Variants in NRG1 observed in about 807,000 individuals in gnomAD.
NRG1 encodes pro-neuregulin-1, membrane-bound isoform.
Under a neutral mutation model 63.8 loss-of-function variants are expected in NRG1, and 18 were observed. The observed-to-expected ratio is 0.28, with a 90% CI of 0.19 to 0.42. NRG1 has a LOEUF of 0.42. NRG1 is among the 10% of genes least tolerant of loss of function. NRG1 has a pLI of 1.00. For synonymous variants in NRG1, 302 were observed against 301.3 expected (o/e 1.00, Z -0.02); for missense variants, 762 against 814.7 (o/e 0.94, Z 0.79).
intron 5 of NRG1, among the ~76,000 whole-genome samples, chr8:32,623,634 C>G (rs1848703321): frequency 6.6e-6 from 1 of 152,156 alleles, no homozygotes; most frequent in Non-Finnish European, 1.5e-5. Flanking sequence ...TTTTAGGATA[C>G]TAGAGTGACT....
chr8:32,327,702 G>A (rs1802171927), intron 1 of NRG1, among the ~76,000 whole-genome samples: 1 of 152,192 alleles, frequency 6.6e-6, no homozygotes, highest in Admixed American at 6.5e-5. Context: ...AGGAAGCACA[G>A]TGGAATTTGA....
At chr8:32,772,041 GTATATATATATATATATA>G (rs1157977487), downstream of NRG1, among the ~76,000 whole-genome samples, 335 of 10,552 alleles carry the variant, frequency 0.032, 36 homozygotes, top group East Asian at 0.084. Flanking sequence ...AAAAAAATAT[GTATATATATATATATATA>G]TATATATATA....
At chr8:32,066,847 A>G (rs1824910687) in intron 1 of NRG1, among the ~76,000 whole-genome samples, 1 of 151,808 alleles carries the variant, frequency 6.6e-6, no homozygotes, top group Non-Finnish European at 1.5e-5. Flanking sequence ...ATTTGTTTGT[A>G]TCCTCTTTTA....
intron 1 of NRG1, among the ~76,000 whole-genome samples, chr8:31,646,792 A>T (rs1435558063): frequency 6.6e-6 from 1 of 152,236 alleles, no homozygotes; most frequent in Non-Finnish European, 1.5e-5. Flanking sequence ...AGATAAAAAC[A>T]TACTTTTGAT....
intron 1 of NRG1, among the ~76,000 whole-genome samples, chr8:32,288,610 T>C (rs575229230): frequency 4.2e-4 from 64 of 152,308 alleles, no homozygotes; most frequent in African/African-American, 1.5e-3. Context: ...GGAACTTTGT[T>C]ACATCTTGCC....
rs145562736 is a variant in NRG1 at position 31,933,395 on chromosome 8, C to T, written c.37+293964C>T. ...TCCTGGGTTCAAGTGACTCTCCTGC[C>T]TCAGCCTCCCGAGTAGCTGGGATTA... On this transcript the variant is annotated intron_variant, in intron 1 of 10. Coordinates refer to the NRG1 transcript ENST00000519301. 2.8e-4 allele frequency among the ~76,000 whole-genome samples: 42 copies of T among 152,224 alleles called. 1 individual carries two copies. The East Asian group carries it at 7.9e-3, about 29-fold the overall frequency.
intron 1 of NRG1, among the ~76,000 whole-genome samples, chr8:32,482,276 G>T (rs1825387988): frequency 6.6e-6 from 1 of 152,048 alleles, no homozygotes. Context: ...ATCAAAATGA[G>T]GCATATAACA....
chr8:32,497,379 G>A (rs187458034), intron 1 of NRG1, among the ~76,000 whole-genome samples: 4 of 151,354 alleles, frequency 2.6e-5, no homozygotes, highest in Admixed American at 6.6e-5. Flanking sequence ...CCTGGGAGGC[G>A]GGGGTTGCAG....
At chr8:32,107,526 T>G (rs1008695324) in intron 1 of NRG1, among the ~76,000 whole-genome samples, 1 of 152,234 alleles carries the variant, frequency 6.6e-6, no homozygotes, top group African/African-American at 2.4e-5. Flanking sequence ...CCAGCTGCTC[T>G]AAAGCCATTA....
intron 1 of NRG1, among the ~76,000 whole-genome samples, chr8:32,405,810 CAT>C (rs202228531): frequency 0.27 from 41,166 of 149,894 alleles, 5,985 homozygotes; most frequent in Middle Eastern, 0.35. Context: ...TTTAAGTTAA[CAT>C]ATTTTATATG....
At chr8:31,673,296 C>T (rs1450595482) in intron 1 of NRG1, among the ~76,000 whole-genome samples, 2 of 152,068 alleles carry the variant, frequency 1.3e-5, no homozygotes, top group African/African-American at 2.4e-5. Flanking sequence ...ATTCTCTTTC[C>T]ACTCTTGTAT....
chr8:32,455,466 T>C (rs10100941), intron 1 of NRG1, among the ~76,000 whole-genome samples: 5,216 of 152,326 alleles, frequency 0.034, 306 homozygotes, highest in African/African-American at 0.12. Context: ...TTCTGAGTTC[T>C]GTGAATTTCA....
chr8:31,845,294 T>C (rs1586770402), intron 1 of NRG1, among the ~76,000 whole-genome samples: 1 of 152,138 alleles, frequency 6.6e-6, no homozygotes, highest in East Asian at 1.9e-4. Flanking sequence ...TCATAGCTTG[T>C]TAGGGAAAAT....
rs1813627667 is a variant in NRG1, at chr8:32,005,493, C to A, written c.37+366062C>A. ...AAACAAAAAGGGCAATAAATTAAAT[C>A]TTTCAAAATAATAATTGCTGAAAAA... On this transcript the variant is annotated intron_variant, in intron 1 of 10. Transcript: ENST00000519301. Among the ~76,000 whole-genome samples, 3 of 151,958 alleles carry A rather than the reference C, an allele frequency of 2.0e-5. No homozygotes were observed. In the South Asian group the frequency reaches 6.2e-4, roughly 32 times the overall value.
chr8:31,750,520 A>G (rs1816344530), intron 1 of NRG1, among the ~76,000 whole-genome samples: 1 of 152,002 alleles, frequency 6.6e-6, no homozygotes, highest in Non-Finnish European at 1.5e-5. Flanking sequence ...ATTAGAAAAT[A>G]AATTCTAAAA....
chr8:31,670,739 T>C lies in NRG1; in HGVS notation c.37+31308T>C, dbSNP rs138268633. 7.2e-3 allele frequency among the ~76,000 whole-genome samples: 1,102 copies of C among 152,302 alleles called. 9 individuals carry two copies. The highest frequency in any genetic ancestry group is 0.025 in the African/African-American group (1,049 of 41,568). ...TGGTGGTACTTGGTGGGCAGTGTCA[T>C]GAAAACCAAGAGAACCAGGGCCTTA... On this transcript the variant is annotated intron_variant, in intron 1 of 10. Coordinates refer to the NRG1 transcript ENST00000519301.
intron 1 of NRG1, among the ~76,000 whole-genome samples, chr8:32,495,406 A>G (rs1827086244): frequency 6.6e-6 from 1 of 152,168 alleles, no homozygotes; most frequent in Admixed American, 6.5e-5. Flanking sequence ...GCCATGTGGA[A>G]CTGTGAGTCC....
chr8:32,564,800 C>T (rs367676976), intron 1 of NRG1, among the ~76,000 whole-genome samples: 8 of 152,096 alleles, frequency 5.3e-5, no homozygotes, highest in South Asian at 4.2e-4. Context: ...GTGGCTCACG[C>T]TTATAATCCC....
At chr8:32,412,096 C>A (rs991473845) in intron 1 of NRG1, among the ~76,000 whole-genome samples, 2 of 152,038 alleles carry the variant, frequency 1.3e-5, no homozygotes, top group Admixed American at 6.6e-5. Context: ...CCAATCAAGA[C>A]CGGAATAGAA....
Sources: gnomAD v4.1 joint callset for allele counts (sites outside exome capture counted in the v4.1 genomes callset) on GRCh38, gnomAD v4.1.1 for gene constraint, MANE v1.5 for transcripts, NCBI Gene and HGNC (gene_info 2026-07-23, HGNC 2026-07-21) for gene names.